MCM5: variants seen among roughly 807,000 people sequenced by gnomAD.
MCM5 encodes the protein minichromosome maintenance complex component 5, also known as DNA replication licensing factor MCM5.
MCM5 carries 46 observed loss-of-function variants against 79.9 expected under a neutral mutation model. That is an observed-to-expected ratio of 0.58 (90% CI 0.45 to 0.74). The LOEUF (loss-of-function observed/expected upper bound fraction) is 0.74. MCM5 is among the 30% of genes least tolerant of loss of function. The pLI is 0.00. For missense variants in MCM5, 883 were observed against 1,017.0 expected (o/e 0.87, Z 1.79); for synonymous variants, 404 against 390.5 (o/e 1.03, Z -0.41).
downstream of MCM5, among the ~76,000 whole-genome samples, chr22:35,427,024 A>G (rs1267575577): frequency 6.6e-6 from 1 of 152,222 alleles, no homozygotes; most frequent in Non-Finnish European, 1.5e-5. Context: ...AACTAAGACC[A>G]TGTTGCTTGT....
chr22:35,441,978 C>T, the MCM5 span, among the ~76,000 whole-genome samples: 8 of 152,110 alleles, frequency 5.3e-5, no homozygotes, highest in Admixed American at 3.3e-4. Flanking sequence ...CAGCATCCCA[C>T]GGGTCCCTCC....
chr22:35,405,501 G>A (rs1932186986), intron 4 of MCM5, among the ~76,000 whole-genome samples: 1 of 150,596 alleles, frequency 6.6e-6, no homozygotes, highest in Non-Finnish European at 1.5e-5. Flanking sequence ...CGAGTAGCTG[G>A]GATTACAGGC....
In MCM5 at chr22:35,424,334, G is replaced by A. The variant is rs1932757603; in HGVS notation, c.*79G>A. On this transcript the variant is annotated 3_prime_UTR_variant, in exon 17 of 17. Transcript: ENST00000216122. ...GCTGCCTGCCATTGACAATGTTGCT[G>A]GGACCTCTGCCTCCCCACTGCAGCC... The A allele has an allele frequency of 1.0e-5, 11 of 1,070,482 alleles. No homozygotes were observed. In the South Asian group the frequency reaches 1.6e-4, roughly 15 times the overall value. 66.3% of individuals were successfully genotyped at this position (1,070,482 alleles called of 1,614,324 possible).
Position 35,424,234 on chromosome 22 carries a change from G to T in MCM5, c.2184G>T (p.Lys728Asn). ...RGEIQHRMQRKVLYRLK is the reference protein window; with the variant it reads ...RGEIQHRMQRNVLYRLK ...AGATCCAGCATCGCATGCAGCGCAA[G>T]GTTCTCTACCGCCTCAAGTGAGTCG... Residue 728 changes from lysine to asparagine, a missense_variant, in exon 17 of 17, where the codon AAG (lysine) becomes AAT (asparagine). Lys to Asn is a moderately conservative substitution (Grantham distance 94, BLOSUM62 0). This residue lies in a region of MCM5 where 426 missense variants were observed against 482.3 expected (regional missense o/e 0.88). Transcript: ENST00000216122. 6.5e-7 allele frequency: 1 copy of T among 1,550,362 alleles called. No individual in the cohort carries two copies. Among genetic ancestry groups the T allele is most frequent in the Non-Finnish European group, 8.7e-7 (1 of 1,146,548 alleles).
the MCM5 span, among the ~76,000 whole-genome samples, chr22:35,444,534 C>T: frequency 5.3e-5 from 8 of 152,200 alleles, no homozygotes; most frequent in Non-Finnish European, 8.8e-5. Flanking sequence ...CGAGGAGCCC[C>T]TGTGGCCTGT....
chr22:35,423,923 A>T (rs1932752563), intron 16 of MCM5: 1 of 512,536 alleles, frequency 2.0e-6, no homozygotes, highest in Non-Finnish European at 3.4e-6. Context: ...TCGGTTCTAG[A>T]GTCAGATGGG....
At chr22:35,410,619 C>G in intron 6 of MCM5, 125 bp from the exon 7 acceptor site, 1 of 891,054 alleles carries the variant, frequency 1.1e-6, no homozygotes, top group Non-Finnish European at 1.9e-6. Flanking sequence ...GCCAGCTCAG[C>G]ATGTGGTGCC....
chr22:35,430,114 C>T (rs538621332), downstream of MCM5, among the ~76,000 whole-genome samples: 8 of 152,286 alleles, frequency 5.3e-5, no homozygotes, highest in African/African-American at 1.7e-4. Flanking sequence ...GGCTGAACAG[C>T]GTTCACTGGT....
intron 2 of MCM5, 84 bp downstream of exon 2, chr22:35,400,689 CAG>C: frequency 7.0e-7 from 1 of 1,433,644 alleles, no homozygotes; most frequent in Non-Finnish European, 9.3e-7. Context: ...CCTGGACAGT[CAG>C]GGCACAGATG....
At chr22:35,452,486 G>C in the MCM5 span, among the ~76,000 whole-genome samples, 1 of 152,188 alleles carries the variant, frequency 6.6e-6, no homozygotes, top group Admixed American at 6.5e-5. Flanking sequence ...TAAACAGGTG[G>C]GTGGCCGCCT....
downstream of MCM5, among the ~76,000 whole-genome samples, chr22:35,429,022 T>C (rs1932796229): frequency 7.1e-6 from 1 of 140,230 alleles, no homozygotes; most frequent in African/African-American, 2.6e-5. Flanking sequence ...AATTTTGCTC[T>C]GTTCCCAGGC....
chr22:35,453,892 C>G, the MCM5 span, among the ~76,000 whole-genome samples: 1 of 147,352 alleles, frequency 6.8e-6, no homozygotes, highest in East Asian at 2.0e-4. Context: ...GAGGCAGAAT[C>G]AGAGATGGAT....
chr22:35,417,224 C>G (rs557160763), intron 12 of MCM5, among the ~76,000 whole-genome samples: 1 of 152,180 alleles, frequency 6.6e-6, no homozygotes, highest in Non-Finnish European at 1.5e-5. Flanking sequence ...TCTGGATTCT[C>G]AAACAACTGT....
chr22:35,430,502 C>CTTT, the MCM5 span, among the ~76,000 whole-genome samples: 460 of 138,730 alleles, frequency 3.3e-3, 7 homozygotes, highest in East Asian at 7.8e-3. Flanking sequence ...CCAGTGGGGA[C>CTTT]TTTTTTTTTT....
the MCM5 span, among the ~76,000 whole-genome samples, chr22:35,430,904 T>A: frequency 6.7e-6 from 1 of 149,464 alleles, no homozygotes. Context: ...TTAAAAAAAA[T>A]AACCCTGAAT....
the MCM5 span, among the ~76,000 whole-genome samples, chr22:35,443,862 G>A: frequency 4.0e-5 from 6 of 149,524 alleles, no homozygotes; most frequent in Non-Finnish European, 6.0e-5. Flanking sequence ...AGGGGGCCGT[G>A]GGCCGTAGAC....
intron 7 of MCM5, among the ~76,000 whole-genome samples, chr22:35,412,255 T>C (rs4645782): frequency 1.5e-4 from 23 of 152,218 alleles, no homozygotes; most frequent in African/African-American, 5.3e-4. Context: ...TCCAAGGTCC[T>C]ATGCCATCTG....
chr22:35,438,733 A>ATC, the MCM5 span, among the ~76,000 whole-genome samples: 1 of 138,992 alleles, frequency 7.2e-6, no homozygotes, highest in Non-Finnish European at 1.6e-5. Flanking sequence ...CCATCCATCC[A>ATC]CATATTCATC....
intron 8 of MCM5, 101 bp from the exon 9 acceptor site, chr22:35,413,774 A>C (rs149200982): frequency 1.4e-6 from 1 of 730,836 alleles, no homozygotes; most frequent in Non-Finnish European, 2.5e-6. Context: ...GGCCCATGAT[A>C]GTTGGGGGAG....
Sources: gnomAD v4.1 joint callset for allele counts (sites outside exome capture counted in the v4.1 genomes callset) on GRCh38, gnomAD v4.1.1 for gene constraint, gnomAD v4.1.1 regional missense constraint, MANE v1.5 for transcripts, NCBI Gene and HGNC (gene_info 2026-07-23, HGNC 2026-07-21) for gene names.